GABRA2: variants seen among roughly 807,000 people sequenced by gnomAD.
The protein encoded by GABRA2 is gamma-aminobutyric acid type A receptor subunit alpha2, also known as gamma-aminobutyric acid receptor subunit alpha-2.
GABRA2 carries 16 observed loss-of-function variants against 48.7 expected under a neutral mutation model. That is an observed-to-expected ratio of 0.33 (90% confidence interval 0.22 to 0.50). GABRA2 has a LOEUF of 0.50. Among genes scored for constraint, GABRA2 ranks in the 20% least tolerant of loss-of-function variants. GABRA2 has a pLI of 0.98. For synonymous variants in GABRA2, 185 were observed against 184.5 expected (o/e 1.00, Z -0.02); for missense variants, 275 against 535.6 (o/e 0.51, Z 4.80).
intron 3 of GABRA2, among the ~76,000 whole-genome samples, chr4:46,355,105 C>T (rs1578150843): frequency 6.6e-6 from 1 of 152,118 alleles, no homozygotes; most frequent in African/African-American, 2.4e-5. Flanking sequence ...CCCACGTCAA[C>T]ACTTCACTTT....
At chr4:46,302,985 T>C (rs1726007282) in intron 8 of GABRA2, among the ~76,000 whole-genome samples, 1 of 152,174 alleles carries the variant, frequency 6.6e-6, no homozygotes, top group Admixed American at 6.5e-5. Flanking sequence ...CTGACTTTTG[T>C]AATGGTGACT....
intron 8 of GABRA2, among the ~76,000 whole-genome samples, chr4:46,265,856 A>T (rs1023548069): frequency 6.6e-6 from 1 of 152,004 alleles, no homozygotes; most frequent in Admixed American, 6.6e-5. Context: ...TGTATTTTCC[A>T]TAACATACGT....
intron 3 of GABRA2, among the ~76,000 whole-genome samples, chr4:46,334,886 C>A (rs1400199276): frequency 1.3e-5 from 2 of 152,074 alleles, no homozygotes; most frequent in Non-Finnish European, 2.9e-5. Flanking sequence ...AATCAGCAAG[C>A]CAAACACTGA....
At chr4:46,368,882 T>C in intron 3 of GABRA2, 1 of 549,444 alleles carries the variant, frequency 1.8e-6, no homozygotes, top group East Asian at 2.9e-5. Context: ...CTCCAGTTCT[T>C]CAATCTCCAT....
At chr4:46,285,279 T>C (rs1477022346) in intron 8 of GABRA2, among the ~76,000 whole-genome samples, 1 of 152,108 alleles carries the variant, frequency 6.6e-6, no homozygotes, top group African/African-American at 2.4e-5. Flanking sequence ...TTTTGAATCC[T>C]TAAAGTGATA....
intron 3 of GABRA2, among the ~76,000 whole-genome samples, chr4:46,359,355 C>T (rs985119640): frequency 6.6e-6 from 1 of 152,108 alleles, no homozygotes; most frequent in African/African-American, 2.4e-5. Flanking sequence ...GATTCTCTGA[C>T]ACTTTAGAGC....
intron 3 of GABRA2, among the ~76,000 whole-genome samples, chr4:46,377,876 C>G (rs530386190): frequency 2.0e-3 from 302 of 150,174 alleles, no homozygotes; most frequent in Admixed American, 3.0e-3. Flanking sequence ...CAGCCCCCCG[C>G]CCAGCTAGCC....
At chr4:46,273,380 C>CTGTGTGTGTG (rs35001945) in intron 8 of GABRA2, among the ~76,000 whole-genome samples, 27 of 144,762 alleles carry the variant, frequency 1.9e-4, no homozygotes, top group African/African-American at 4.6e-4. Flanking sequence ...CTCTCTCCCT[C>CTGTGTGTGTG]TGTGTGTGTG....
chr4:46,342,525 C>T (rs1350565124), intron 3 of GABRA2, among the ~76,000 whole-genome samples: 2 of 152,008 alleles, frequency 1.3e-5, no homozygotes, highest in African/African-American at 2.4e-5. Context: ...CTGTTATTGC[C>T]CTCACTAACT....
At chr4:46,375,311 A>C (rs1275703037) in intron 3 of GABRA2, among the ~76,000 whole-genome samples, 1 of 152,182 alleles carries the variant, frequency 6.6e-6, no homozygotes, top group Admixed American at 6.5e-5. Context: ...AGGGTATTTT[A>C]AGTTAAAAAC....
chr4:46,377,312 T>C (rs1230640395), intron 3 of GABRA2, among the ~76,000 whole-genome samples: 6 of 127,498 alleles, frequency 4.7e-5, no homozygotes, highest in African/African-American at 6.1e-5. Context: ...CCGGCCGCCA[T>C]CCCATCTGGG....
chr4:46,377,496 C>T (rs1186578563), intron 3 of GABRA2, among the ~76,000 whole-genome samples: 2 of 120,468 alleles, frequency 1.7e-5, no homozygotes, highest in African/African-American at 2.6e-5. Context: ...CCCCTCCGCC[C>T]AGCAACCGCC....
At chr4:46,375,374 T>C (rs1715535900) in intron 3 of GABRA2, among the ~76,000 whole-genome samples, 1 of 152,166 alleles carries the variant, frequency 6.6e-6, no homozygotes, top group Non-Finnish European at 1.5e-5. Context: ...AAGAAATAAT[T>C]CTCATCATAT....
chr4:46,358,137 T>C (rs1736305142), intron 3 of GABRA2, among the ~76,000 whole-genome samples: 1 of 152,146 alleles, frequency 6.6e-6, no homozygotes, highest in Non-Finnish European at 1.5e-5. Flanking sequence ...ACAATGAAGA[T>C]CTTTGCTTCA....
intron 8 of GABRA2, among the ~76,000 whole-genome samples, chr4:46,287,947 T>C (rs545355183): frequency 7.2e-5 from 11 of 152,176 alleles, no homozygotes; most frequent in Admixed American, 2.0e-4. Flanking sequence ...GTGGAAGGCA[T>C]GGAGGAGCAA....
At chr4:46,259,547 G>A (rs1277036551) in intron 9 of GABRA2, among the ~76,000 whole-genome samples, 1 of 151,924 alleles carries the variant, frequency 6.6e-6, no homozygotes, top group Non-Finnish European at 1.5e-5. Flanking sequence ...GTGTGCACAT[G>A]TAAACAGGTT....
At chr4:46,318,198 AAT>A (rs1486992672) in intron 4 of GABRA2, among the ~76,000 whole-genome samples, 2 of 151,422 alleles carry the variant, frequency 1.3e-5, no homozygotes, top group Non-Finnish European at 3.0e-5. Context: ...ATATCATAAA[AAT>A]TTTAAGTGGG....
intron 9 of GABRA2, among the ~76,000 whole-genome samples, chr4:46,259,546 T>C (rs1346124254): frequency 6.6e-6 from 1 of 151,942 alleles, no homozygotes; most frequent in Non-Finnish European, 1.5e-5. Context: ...AGTGTGCACA[T>C]GTAAACAGGT....
intron 3 of GABRA2, among the ~76,000 whole-genome samples, chr4:46,344,842 G>T (rs1360138648): frequency 6.6e-6 from 1 of 151,922 alleles, no homozygotes; most frequent in African/African-American, 2.4e-5. Context: ...CTAGTTAGCT[G>T]CCAAATATAT....
Sources: gnomAD v4.1 joint callset for allele counts (sites outside exome capture counted in the v4.1 genomes callset) on GRCh38, gnomAD v4.1.1 for gene constraint, MANE v1.5 for transcripts, NCBI Gene and HGNC (gene_info 2026-07-23, HGNC 2026-07-21) for gene names.